Variants in PDE4D observed in about 807,000 individuals in gnomAD.
PDE4D encodes phosphodiesterase 4D, also known as 3',5'-cyclic-AMP phosphodiesterase 4D.
Under a neutral mutation model 87.4 loss-of-function variants are expected in PDE4D, and 24 were observed. The ratio of observed to expected loss-of-function variants is 0.27; its 90% CI spans 0.20 to 0.39. PDE4D has a LOEUF of 0.39. Among genes scored for constraint, PDE4D ranks in the 10% least tolerant of loss-of-function variants. PDE4D has a pLI of 1.00. For missense variants in PDE4D, 714 were observed against 1,041.0 expected, an observed-to-expected ratio of 0.69 and a Z score of 4.32; for synonymous variants, 384 against 383.2, an observed-to-expected ratio of 1.00 and a Z score of -0.02.
intron 2 of PDE4D, among the ~76,000 whole-genome samples, chr5:59,196,713 T>C (rs1386487485): frequency 6.6e-6 from 1 of 152,134 alleles, no homozygotes. Flanking sequence ...ATCAGTAAAC[T>C]GTGTAGTGTG....
intron 1 of PDE4D, among the ~76,000 whole-genome samples, chr5:59,880,380 G>A (rs755107020): frequency 6.6e-6 from 1 of 152,064 alleles, no homozygotes; most frequent in African/African-American, 2.4e-5. Flanking sequence ...AAAGTACGGC[G>A]ATTACAGGTG....
chr5:60,023,905 T>C (rs1766350900), intron 2 of PDE4D, among the ~76,000 whole-genome samples: 1 of 152,224 alleles, frequency 6.6e-6, no homozygotes, highest in Admixed American at 6.5e-5. Context: ...ATATCACTAA[T>C]AATTCCCAAC....
At chr5:59,155,503 CT>C (rs1780040034) in intron 5 of PDE4D, among the ~76,000 whole-genome samples, 1 of 152,180 alleles carries the variant, frequency 6.6e-6, no homozygotes, top group Admixed American at 6.5e-5. Context: ...CTACAGTGGA[CT>C]GCAGACTGAA....
At chr5:60,451,593 T>A (rs1327044729) in intron 1 of PDE4D, among the ~76,000 whole-genome samples, 3 of 151,972 alleles carry the variant, frequency 2.0e-5, no homozygotes, top group African/African-American at 2.4e-5. Flanking sequence ...GGATTAAAGG[T>A]GGAATTTGAC....
chr5:58,989,791 C>T lies in PDE4D; in HGVS notation c.1416G>A (p.Gln472=), dbSNP rs1448062960. ...GTGTAGATAATAGCACATGAGTAGACTGGACAACATCTGCAGCATGGATAT... is the reference window on the plus strand; with the variant it reads ...GTGTAGATAATAGCACATGAGTAGATTGGACAACATCTGCAGCATGGATAT... ...HNNIHAADVV[Q]STHVLLSTPA... Residue 472 remains glutamine (Q), a synonymous_variant, in exon 10 of 15, where the codon CAG becomes CAA. Transcript: ENST00000340635. 1.2e-6 allele frequency: 2 copies of T among 1,611,812 alleles called. No homozygotes were observed. Among genetic ancestry groups the T allele is most frequent in the South Asian group, 1.1e-5 (1 of 90,712 alleles).
chr5:59,414,222 G>A (rs1212778620), intron 1 of PDE4D, among the ~76,000 whole-genome samples: 1 of 152,186 alleles, frequency 6.6e-6, no homozygotes, highest in Non-Finnish European at 1.5e-5. Flanking sequence ...TTTTGTTACT[G>A]TGATTTCAAA....
At chr5:60,238,904 G>T (rs1228062424) in intron 1 of PDE4D, among the ~76,000 whole-genome samples, 1 of 151,782 alleles carries the variant, frequency 6.6e-6, no homozygotes, top group Non-Finnish European at 1.5e-5. Flanking sequence ...TATGCCTGAG[G>T]TTGCAATTTT....
At chr5:59,319,158 ATATGTGTGTG>A (rs770177033) in intron 1 of PDE4D, among the ~76,000 whole-genome samples, 9,940 of 121,624 alleles carry the variant, frequency 0.082, 403 homozygotes, top group South Asian at 0.16. Flanking sequence ...GAGTACATAT[ATATGTGTGTG>A]TGTGTGTGTG....
At chr5:59,911,435 C>A (rs112225570) in intron 3 of PDE4D, among the ~76,000 whole-genome samples, 1 of 152,078 alleles carries the variant, frequency 6.6e-6, no homozygotes, top group Non-Finnish European at 1.5e-5. Context: ...CATCTCCCAC[C>A]GAACCAATCA....
At chr5:60,153,952 G>A (rs956538812) in intron 2 of PDE4D, among the ~76,000 whole-genome samples, 1 of 152,082 alleles carries the variant, frequency 6.6e-6, no homozygotes, top group Non-Finnish European at 1.5e-5. Context: ...TATTGTGCCT[G>A]TACTTTACAA....
At chr5:60,296,642 G>A (rs536786506) in intron 1 of PDE4D, among the ~76,000 whole-genome samples, 22 of 152,168 alleles carry the variant, frequency 1.4e-4, no homozygotes, top group Non-Finnish European at 2.2e-4. Flanking sequence ...ACACATGCAC[G>A]TATATGTTTA....
intron 11 of PDE4D, among the ~76,000 whole-genome samples, chr5:58,980,970 G>A (rs1324671845): frequency 6.6e-6 from 1 of 152,102 alleles, no homozygotes; most frequent in East Asian, 1.9e-4. Flanking sequence ...AGGAGAATAT[G>A]TATGTCCAGG....
chr5:59,230,334 C>T (rs1031427822), intron 1 of PDE4D, among the ~76,000 whole-genome samples: 5 of 152,116 alleles, frequency 3.3e-5, no homozygotes, highest in Non-Finnish European at 7.3e-5. Context: ...ATATTGAACT[C>T]ACTTTGAAGA....
At chr5:59,337,802 G>T (rs1389572581) in intron 1 of PDE4D, among the ~76,000 whole-genome samples, 2 of 152,080 alleles carry the variant, frequency 1.3e-5, no homozygotes, top group East Asian at 1.9e-4. Flanking sequence ...TTTTGCCTTT[G>T]AAGTGAATTG....
At chr5:60,093,272 T>C (rs914623255) in intron 2 of PDE4D, among the ~76,000 whole-genome samples, 3 of 152,306 alleles carry the variant, frequency 2.0e-5, no homozygotes, top group Middle Eastern at 3.4e-3. Flanking sequence ...TTTCATGGGT[T>C]CTCTAAAATT....
chr5:60,019,911 C>A (rs1411553275), intron 2 of PDE4D, among the ~76,000 whole-genome samples: 1 of 150,446 alleles, frequency 6.6e-6, no homozygotes, highest in African/African-American at 2.4e-5. Context: ...TTTTTGCATT[C>A]ACAACTTGGA....
At chr5:59,766,212 T>C (rs1427334110) in intron 1 of PDE4D, among the ~76,000 whole-genome samples, 1 of 152,184 alleles carries the variant, frequency 6.6e-6, no homozygotes, top group Non-Finnish European at 1.5e-5. Context: ...TATGGAAAAC[T>C]TGAGATACTC....
intron 1 of PDE4D, among the ~76,000 whole-genome samples, chr5:59,265,088 G>A (rs1762643220): frequency 6.6e-6 from 1 of 151,974 alleles, no homozygotes; most frequent in South Asian, 2.1e-4. Context: ...GATTTGTAGA[G>A]GTAGAGAATG....
chr5:60,062,708 A>C (rs1037760204), intron 2 of PDE4D, among the ~76,000 whole-genome samples: 2 of 152,220 alleles, frequency 1.3e-5, no homozygotes, highest in East Asian at 3.9e-4. Flanking sequence ...AATGTGGTAC[A>C]TATACACCAT....
Sources: gnomAD v4.1 joint callset for allele counts (sites outside exome capture counted in the v4.1 genomes callset) on GRCh38, gnomAD v4.1.1 for gene constraint, MANE v1.5 for transcripts, NCBI Gene and HGNC (gene_info 2026-07-23, HGNC 2026-07-21) for gene names.